The following ANKRD30B variants were observed in gnomAD, a reference collection of about 807,000 sequenced individuals.
ANKRD30B encodes the protein ankyrin repeat domain 30B, also known as ankyrin repeat domain-containing protein 30B.
ANKRD30B carries 144 observed loss-of-function variants against 202.2 expected under a neutral mutation model. The ratio of observed to expected loss-of-function variants is 0.71; its 90% CI spans 0.62 to 0.82. The LOEUF (loss-of-function observed/expected upper bound fraction) is 0.82, where lower values mean the gene tolerates loss of function less well. Ranked by LOEUF, ANKRD30B falls within the 40% of genes least tolerant of loss-of-function variation. The probability of loss-of-function intolerance (pLI) is 0.00; values close to 1 mark genes in which losing one functional copy is unlikely to be tolerated. For synonymous variants in ANKRD30B, 508 were observed against 561.3 expected, an observed-to-expected ratio of 0.91 and a Z score of 1.34; for missense variants, 1,487 against 1,669.1, an observed-to-expected ratio of 0.89 and a Z score of 1.90.
the ANKRD30B span, among the ~76,000 whole-genome samples, chr18:14,869,684 T>C: frequency 1.3e-5 from 2 of 150,732 alleles, no homozygotes; most frequent in Non-Finnish European, 3.0e-5. Flanking sequence ...GTATAGGAAC[T>C]TCCAGTATTA....
chr18:14,797,522 C>A lies in ANKRD30B; in HGVS notation c.1928-139C>A, dbSNP rs1376260085. The stretch of plus-strand genomic sequence containing the variant: ...GTTGGCATGTTAACAAATACAATAA[C>A]CCAAAGGACCCCAAAACCTAGTGTA... On this transcript the variant is annotated intron_variant, in intron 18 of 43. Transcript: ENST00000690538. The A allele has an allele frequency of 6.2e-6, 6 of 964,544 alleles. No individual in the cohort carries two copies. The African/African-American group carries it at 8.1e-5, about 13-fold the overall frequency. The allele number at this position is 964,544 out of a possible 1,614,324, so 59.7% of individuals were successfully genotyped here. A position where few individuals can be genotyped will look rare whatever the true frequency, so the allele number is the denominator to read the frequency against.
At chr18:14,845,531 T>G (rs1971603373) in intron 39 of ANKRD30B, among the ~76,000 whole-genome samples, 1 of 151,770 alleles carries the variant, frequency 6.6e-6, no homozygotes, top group African/African-American at 2.4e-5. Flanking sequence ...ATTTCCAAAG[T>G]TAGTAATTGT....
intron 11 of ANKRD30B, among the ~76,000 whole-genome samples, chr18:14,781,538 C>G (rs1170152023): frequency 6.6e-6 from 1 of 152,212 alleles, no homozygotes; most frequent in Non-Finnish European, 1.5e-5. Flanking sequence ...TCTCTTTATG[C>G]CATGCATCAT....
At chr18:14,926,116 G>C in the ANKRD30B span, among the ~76,000 whole-genome samples, 1 of 152,192 alleles carries the variant, frequency 6.6e-6, no homozygotes, top group Admixed American at 6.5e-5. Flanking sequence ...CGGCAGCGAG[G>C]AAGACCACAT....
intron 32 of ANKRD30B, among the ~76,000 whole-genome samples, chr18:14,825,610 A>C (rs1285613504): frequency 6.6e-6 from 1 of 151,804 alleles, no homozygotes; most frequent in Non-Finnish European, 1.5e-5. Flanking sequence ...TCATTTACTG[A>C]AGCTATGCAA....
At position 14,748,425 on chromosome 18, in the gene ANKRD30B, G is replaced by T. The variant is rs1912821354; in HGVS notation, c.6G>T (p.Lys2Asn). 6.7e-7 allele frequency: 1 copy of T among 1,499,532 alleles called. No homozygotes were observed. 92.9% of individuals were successfully genotyped at this position (1,499,532 alleles called of 1,614,324 possible). A position where few individuals can be genotyped will look rare whatever the true frequency, so the allele number is the denominator to read the frequency against. ...TCTAGCAGGGGGCTGCAGCCATGAA[G>T]AGGCTCTTAGCTGCCGCTGGCAAGG... MKRLLAAAGKGV... is the reference protein window; with the variant it reads MNRLLAAAGKGV... The change falls in exon 1 of 44, where the codon AAG becomes AAT. Residue 2 changes from lysine (K) to asparagine (N), a missense_variant. Coordinates refer to ENST00000690538, the MANE Select transcript of ANKRD30B (RefSeq NM_001367607.2).
rs1212409636 is a variant in ANKRD30B at position 14,851,568 on chromosome 18, G to T, written c.3624G>T (p.Lys1208Asn). The T allele has an allele frequency of 1.9e-6, 3 of 1,587,968 alleles. No individual in the cohort carries two copies. The highest frequency in any genetic ancestry group is 2.2e-5 in the East Asian group (1 of 44,708). The change falls in exon 42 of 44, where the codon AAG becomes AAT. Residue 1208 changes from lysine (K) to asparagine (N), a missense_variant. By Grantham distance (94) the Lys-to-Asn change is moderately conservative (BLOSUM62 0). Coordinates refer to ENST00000690538, the MANE Select transcript of ANKRD30B (RefSeq NM_001367607.2). ...TTCATGAAAATTGCATGTTGAAAAA[G>T]GAAATTGCCATGCTAAAACTGGAAG... is the stretch of plus-strand genomic sequence containing the variant. The part of the protein sequence containing the change: ...DLFHENCMLK[K>N]EIAMLKLEVA...
intron 9 of ANKRD30B, 64 bp from the exon 10 acceptor site, chr18:14,777,921 A>T: frequency 1.2e-4 from 130 of 1,063,216 alleles, no homozygotes; most frequent in Middle Eastern, 2.0e-4. Flanking sequence ...ACCCTGTGAG[A>T]CTTCATCTCA....
At chr18:14,765,764 A>G (rs1916025291) in intron 7 of ANKRD30B, among the ~76,000 whole-genome samples, 1 of 152,104 alleles carries the variant, frequency 6.6e-6, no homozygotes, top group South Asian at 2.1e-4. Context: ...TTTGTCACCA[A>G]TCTGTGGCCT....
intron 22 of ANKRD30B, among the ~76,000 whole-genome samples, chr18:14,800,218 C>T (rs1319463886): frequency 2.7e-5 from 4 of 150,734 alleles, no homozygotes; most frequent in Non-Finnish European, 5.9e-5. Flanking sequence ...CAGAGTGAGA[C>T]TCCATCTCAA....
chr18:14,885,110 G>A, the ANKRD30B span, among the ~76,000 whole-genome samples: 4 of 152,026 alleles, frequency 2.6e-5, no homozygotes, highest in Non-Finnish European at 5.9e-5. Flanking sequence ...AGTCACAGTG[G>A]CCTGCATCCA....
downstream of ANKRD30B, among the ~76,000 whole-genome samples, chr18:14,854,995 G>A (rs1259884318): frequency 6.6e-6 from 1 of 152,124 alleles, no homozygotes; most frequent in Non-Finnish European, 1.5e-5. Context: ...TGGAGAGAAG[G>A]TCAGCAGATA....
intron 30 of ANKRD30B, among the ~76,000 whole-genome samples, chr18:14,822,212 T>TA (rs1970456859): frequency 6.6e-6 from 1 of 152,164 alleles, no homozygotes; most frequent in Admixed American, 6.6e-5. Flanking sequence ...GTATTAGGAT[T>TA]TTCTGCTTTA....
In ANKRD30B at chr18:14,769,268, T is replaced by G. The variant is rs927828496; in HGVS notation, c.1226-75T>G. The G allele has an allele frequency of 5.0e-6, 6 of 1,192,284 alleles. No homozygotes were observed. In the African/African-American group the frequency reaches 9.2e-5, roughly 18 times the overall value. 73.9% of individuals were successfully genotyped at this position (1,192,284 alleles called of 1,614,324 possible). ...ATTACAGGCATTTGCCATCGTGCCC[T>G]CTTACGTTGTTAATACTCTGTATTT... is the stretch of plus-strand genomic sequence containing the variant. On this transcript the variant is annotated intron_variant, in intron 7 of 43. Coordinates refer to ENST00000690538, the MANE Select transcript of ANKRD30B (RefSeq NM_001367607.2).
chr18:14,786,806 T>C (rs1285543332), intron 14 of ANKRD30B, among the ~76,000 whole-genome samples: 1 of 152,188 alleles, frequency 6.6e-6, no homozygotes, highest in African/African-American at 2.4e-5. Flanking sequence ...TCATACAAGT[T>C]AGTCAAATTT....
At chr18:14,800,472 C>T (rs1969241354) in intron 22 of ANKRD30B, among the ~76,000 whole-genome samples, 2 of 150,662 alleles carry the variant, frequency 1.3e-5, no homozygotes, top group Admixed American at 1.3e-4. Context: ...ATCCAGACGC[C>T]TACCACAACG....
Position 14,852,254 on chromosome 18 carries a change from T to A in ANKRD30B, c.4310T>A (p.Val1437Asp), listed in dbSNP as rs777394127. Residue 1437 changes from valine to aspartate, a missense_variant, in exon 42 of 44, where the codon GTT becomes GAT. Physicochemically the swap from Val to Asp is radical, Grantham distance 152. Coordinates refer to ENST00000690538, the MANE Select transcript of ANKRD30B (RefSeq NM_001367607.2). The stretch of plus-strand genomic sequence containing the variant: ...AATAGGTGGCTTCGACAGCAATTAG[T>A]TTATGCACATAAGAAAGTTAACAAA... ...SKNRWLRQQL[V>D]YAHKKVNKSK... The A allele has an allele frequency of 3.5e-5, 55 of 1,555,830 alleles. No individual in the cohort carries two copies. Among genetic ancestry groups the A allele is most frequent in the Non-Finnish European group, 4.5e-5 (52 of 1,149,338 alleles).
chr18:14,766,472 CAAAAAAAAA>C (rs1168681924), intron 7 of ANKRD30B, among the ~76,000 whole-genome samples: 5 of 55,590 alleles, frequency 9.0e-5, no homozygotes, highest in South Asian at 1.3e-3. Context: ...GACTCCATCT[CAAAAAAAAA>C]AAAAAAAAAA....
the ANKRD30B span, among the ~76,000 whole-genome samples, chr18:14,892,724 A>C: frequency 1.6e-5 from 2 of 127,090 alleles, no homozygotes; most frequent in African/African-American, 5.9e-5. Context: ...TAGGCAACAG[A>C]GTGAGACTCT....
Sources: gnomAD v4.1 joint callset for allele counts (sites outside exome capture counted in the v4.1 genomes callset) on GRCh38, gnomAD v4.1.1 for gene constraint, MANE v1.5 for transcripts, NCBI Gene and HGNC (gene_info 2026-07-23, HGNC 2026-07-21) for gene names.